Variants in IMMP2L observed in about 807,000 individuals in gnomAD.
IMMP2L encodes the protein inner mitochondrial membrane peptidase subunit 2, also known as mitochondrial inner membrane protease subunit 2.
IMMP2L carries 18 observed loss-of-function variants against 19.3 expected under a neutral mutation model. That is an observed-to-expected ratio of 0.93 (90% CI 0.64 to 1.38). The LOEUF is 1.38. Among genes scored for constraint, IMMP2L ranks in the 40% most tolerant of loss-of-function variants. IMMP2L has a pLI of 0.00. For missense variants in IMMP2L, 233 were observed against 218.2 expected (o/e 1.07, Z -0.43); for synonymous variants, 76 against 73.0 (o/e 1.04, Z -0.21).
chr7:111,303,791 C>A (rs1221014115), intron 3 of IMMP2L, among the ~76,000 whole-genome samples: 1 of 151,916 alleles, frequency 6.6e-6, no homozygotes, highest in Non-Finnish European at 1.5e-5. Flanking sequence ...TAGGGTTCTT[C>A]AGGGATTTCA....
chr7:110,948,130 C>G (rs965728148), intron 4 of IMMP2L, among the ~76,000 whole-genome samples: 2 of 152,142 alleles, frequency 1.3e-5, no homozygotes, highest in African/African-American at 4.8e-5. Context: ...TGAGGAGAAC[C>G]ATTCAGACTC....
chr7:110,841,422 C>G (rs555073513), intron 5 of IMMP2L, among the ~76,000 whole-genome samples: 3 of 151,652 alleles, frequency 2.0e-5, no homozygotes, highest in Non-Finnish European at 2.9e-5. Context: ...AATCTATGCA[C>G]GAAAATTAAT....
chr7:111,048,804 T>G (rs569179506), intron 3 of IMMP2L, among the ~76,000 whole-genome samples: 41 of 152,256 alleles, frequency 2.7e-4, no homozygotes, highest in Middle Eastern at 6.8e-3. Flanking sequence ...TAAATTCATT[T>G]AAATAACTTA....
chr7:111,044,984 A>T (rs1057480823), intron 3 of IMMP2L, among the ~76,000 whole-genome samples: 3 of 152,228 alleles, frequency 2.0e-5, no homozygotes, highest in African/African-American at 7.2e-5. Context: ...TTAAAATGAA[A>T]AAGATAAAGC....
chr7:110,882,091 A>G (rs575329161), intron 5 of IMMP2L, among the ~76,000 whole-genome samples: 1 of 152,170 alleles, frequency 6.6e-6, no homozygotes, highest in Non-Finnish European at 1.5e-5. Context: ...TACTGGTAGC[A>G]TCTATTGACC....
chr7:111,095,874 C>A (rs1797346608), intron 3 of IMMP2L, among the ~76,000 whole-genome samples: 1 of 151,890 alleles, frequency 6.6e-6, no homozygotes, highest in Non-Finnish European at 1.5e-5. Flanking sequence ...ATTATCAGGA[C>A]AGCAATCCCT....
At chr7:111,203,586 T>C (rs1315877571) in intron 3 of IMMP2L, among the ~76,000 whole-genome samples, 26 of 147,872 alleles carry the variant, frequency 1.8e-4, no homozygotes, top group Admixed American at 8.8e-4. Flanking sequence ...TTTTTTTTTT[T>C]CAATTAAAAC....
intron 3 of IMMP2L, among the ~76,000 whole-genome samples, chr7:111,135,658 AT>A (rs1402232508): frequency 1.3e-5 from 2 of 152,190 alleles, no homozygotes; most frequent in East Asian, 3.8e-4. Context: ...ATATGAAATA[AT>A]TTTTACATGT....
chr7:110,852,049 C>T (rs754105174), intron 5 of IMMP2L, among the ~76,000 whole-genome samples: 5 of 152,040 alleles, frequency 3.3e-5, no homozygotes, highest in African/African-American at 4.8e-5. Context: ...GCTTCCACTT[C>T]GCTCTGACTC....
At chr7:110,812,398 C>A (rs954976157) in intron 5 of IMMP2L, among the ~76,000 whole-genome samples, 4 of 151,854 alleles carry the variant, frequency 2.6e-5, no homozygotes, top group Non-Finnish European at 5.9e-5. Flanking sequence ...TTAGAAGGAG[C>A]CAGTGATAAA....
intron 3 of IMMP2L, among the ~76,000 whole-genome samples, chr7:111,133,734 T>A (rs957915497): frequency 6.6e-6 from 1 of 151,930 alleles, no homozygotes; most frequent in Non-Finnish European, 1.5e-5. Context: ...GGTAGAAATA[T>A]GAGAAGACGT....
chr7:110,844,499 G>A (rs1041223793), intron 5 of IMMP2L, among the ~76,000 whole-genome samples: 23 of 151,888 alleles, frequency 1.5e-4, no homozygotes, highest in South Asian at 4.2e-4. Flanking sequence ...AAAAGAAAAC[G>A]GAGAAGGGTA....
chr7:110,889,430 C>A (rs1466063222), intron 4 of IMMP2L, among the ~76,000 whole-genome samples: 3 of 152,126 alleles, frequency 2.0e-5, no homozygotes, highest in African/African-American at 7.2e-5. Context: ...CAACCTAGAT[C>A]CCTCACATGC....
chr7:110,907,186 G>C (rs1812553720), intron 4 of IMMP2L, among the ~76,000 whole-genome samples: 1 of 152,156 alleles, frequency 6.6e-6, no homozygotes, highest in Non-Finnish European at 1.5e-5. Context: ...CAGTGTGACA[G>C]CCTTTTGCGC....
chr7:110,773,867 A>T (rs1369987380), intron 5 of IMMP2L, among the ~76,000 whole-genome samples: 2 of 149,394 alleles, frequency 1.3e-5, no homozygotes, highest in African/African-American at 4.9e-5. Context: ...TATTCTTTAA[A>T]CTATTTTCTG....
intron 5 of IMMP2L, among the ~76,000 whole-genome samples, chr7:110,740,190 A>G (rs1388412324): frequency 6.6e-6 from 1 of 152,210 alleles, no homozygotes; most frequent in Non-Finnish European, 1.5e-5. Flanking sequence ...CAAACCCATC[A>G]GAAGAAGAAA....
At chr7:111,552,507 C>G (rs1352024815) in intron 1 of IMMP2L, among the ~76,000 whole-genome samples, 1 of 152,160 alleles carries the variant, frequency 6.6e-6, no homozygotes, top group Non-Finnish European at 1.5e-5. Flanking sequence ...AGGCTGTTCT[C>G]AAACTCCTGA....
intron 3 of IMMP2L, among the ~76,000 whole-genome samples, chr7:111,402,194 C>T (rs2131418719): frequency 6.7e-6 from 1 of 149,500 alleles, no homozygotes; most frequent in Admixed American, 6.7e-5. Context: ...AAAAGCAATC[C>T]TCCATTCATT....
At position 110,663,494 on chromosome 7, in the gene IMMP2L, C is replaced by T. The variant is rs551765923; in HGVS notation, c.*108G>A. Reference sequence around the variant, plus strand: ...GTTTTAATGTGCTGTAAATATTTCTCGCACAGCATCATATTGTCAGAAGTT... The same window carrying T: ...GTTTTAATGTGCTGTAAATATTTCTTGCACAGCATCATATTGTCAGAAGTT... On this transcript the variant is annotated 3_prime_UTR_variant, in exon 6 of 6. Transcript: ENST00000405709. 1.7e-5 allele frequency: 15 copies of T among 881,156 alleles called. No individual in the cohort carries two copies. Among genetic ancestry groups the T allele is most frequent in the East Asian group, 1.2e-4 (5 of 40,984 alleles). The allele number at this position is 881,156 out of a possible 1,614,324, so 54.6% of individuals were successfully genotyped here.
Sources: gnomAD v4.1 joint callset for allele counts (sites outside exome capture counted in the v4.1 genomes callset) on GRCh38, gnomAD v4.1.1 for gene constraint, MANE v1.5 for transcripts, NCBI Gene and HGNC (gene_info 2026-07-23, HGNC 2026-07-21) for gene names.